Variants in CADPS2 observed in about 807,000 individuals in gnomAD.
CADPS2 encodes calcium dependent secretion activator 2.
Under a neutral mutation model 172.5 loss-of-function variants are expected in CADPS2, and 93 were observed. The observed-to-expected ratio is 0.54, with a 90% CI of 0.46 to 0.64. CADPS2 has a LOEUF of 0.64. CADPS2 is among the 30% of genes least tolerant of loss of function. CADPS2 has a pLI of 0.00. For synonymous variants in CADPS2, 546 were observed against 555.2 expected (o/e 0.98, Z 0.23); for missense variants, 1,420 against 1,565.9 (o/e 0.91, Z 1.57).
intron 1 of CADPS2, among the ~76,000 whole-genome samples, chr7:122,870,235 CATTCAG>C (rs1489550565): frequency 6.6e-6 from 1 of 151,914 alleles, no homozygotes; most frequent in African/African-American, 2.4e-5. Context: ...TCTAAGGACA[CATTCAG>C]ATTCAAAGTG....
At chr7:122,687,960 G>C (rs995247786) in intron 2 of CADPS2, among the ~76,000 whole-genome samples, 4 of 152,092 alleles carry the variant, frequency 2.6e-5, no homozygotes, top group Non-Finnish European at 4.4e-5. Flanking sequence ...TATATTTCCA[G>C]CTATGCCATG....
chr7:122,723,165 C>A (rs892826665), intron 2 of CADPS2, among the ~76,000 whole-genome samples: 14 of 152,092 alleles, frequency 9.2e-5, no homozygotes, highest in Admixed American at 3.3e-4. Context: ...GCAACAAAAG[C>A]CAAAATTGAC....
chr7:122,378,735 C>T (rs1156364335), intron 25 of CADPS2: 1 of 152,144 alleles, frequency 6.6e-6, no homozygotes, highest in Non-Finnish European at 1.5e-5. Flanking sequence ...ACTCCTGGTG[C>T]TCTCATGTTC....
intron 1 of CADPS2, among the ~76,000 whole-genome samples, chr7:122,772,631 A>G (rs1262527344): frequency 6.6e-6 from 1 of 152,144 alleles, no homozygotes; most frequent in East Asian, 1.9e-4. Context: ...AGCAATCACA[A>G]ACTAAAATAC....
At chr7:122,813,020 T>C (rs904456191) in intron 1 of CADPS2, among the ~76,000 whole-genome samples, 1 of 152,178 alleles carries the variant, frequency 6.6e-6, no homozygotes, top group Non-Finnish European at 1.5e-5. Context: ...ATATCCAATA[T>C]GGGACACAGC....
At position 122,866,959 on chromosome 7, in the gene CADPS2, C is replaced by T. The variant is rs187373337; in HGVS notation, c.339+19040G>A. The stretch of plus-strand genomic sequence containing the variant: ...TTCTCACATCATGCTAGCCACCCTG[C>T]ACAACTTTGCTGCTTTTTATAGGAA... On this transcript the variant is annotated intron_variant, in intron 1 of 29. Transcript: ENST00000449022. 2.1e-3 allele frequency among the ~76,000 whole-genome samples: 321 copies of T among 152,282 alleles called. 1 individual carries two copies. Among genetic ancestry groups the T allele is most frequent in the African/African-American group, 7.1e-3 (295 of 41,554 alleles).
intron 1 of CADPS2, among the ~76,000 whole-genome samples, chr7:122,816,227 T>A (rs1801357346): frequency 7.3e-6 from 1 of 137,120 alleles, no homozygotes; most frequent in African/African-American, 2.7e-5. Flanking sequence ...TATTCTACTC[T>A]CTATCTCCAC....
At chr7:122,693,369 T>C (rs937471004) in intron 2 of CADPS2, among the ~76,000 whole-genome samples, 3 of 152,184 alleles carry the variant, frequency 2.0e-5, no homozygotes, top group African/African-American at 7.2e-5. Context: ...CTTTCTACCT[T>C]GATATTTTGA....
intron 1 of CADPS2, among the ~76,000 whole-genome samples, chr7:122,764,215 C>G (rs138010713): frequency 5.9e-5 from 9 of 152,098 alleles, no homozygotes; most frequent in African/African-American, 2.2e-4. Flanking sequence ...GGCTGAAGAC[C>G]CTCTTACGTG....
At chr7:122,657,986 C>T (rs2080025544) in intron 3 of CADPS2, among the ~76,000 whole-genome samples, 1 of 152,074 alleles carries the variant, frequency 6.6e-6, no homozygotes. Flanking sequence ...TTGCAATCTA[C>T]TCATCTGATA....
intron 27 of CADPS2, among the ~76,000 whole-genome samples, chr7:122,354,655 A>G (rs1169531469): frequency 2.0e-5 from 3 of 152,160 alleles, no homozygotes; most frequent in Non-Finnish European, 4.4e-5. Context: ...CAAAGCTAAT[A>G]TGAACATTTT....
intron 1 of CADPS2, among the ~76,000 whole-genome samples, chr7:122,848,995 A>G (rs1397712130): frequency 6.6e-6 from 1 of 152,212 alleles, no homozygotes; most frequent in Admixed American, 6.5e-5. Context: ...CAGCTTTCCA[A>G]AGTCCCAGGC....
chr7:122,808,126 C>A (rs1265660658), intron 1 of CADPS2, among the ~76,000 whole-genome samples: 1 of 152,060 alleles, frequency 6.6e-6, no homozygotes, highest in East Asian at 1.9e-4. Context: ...TTCAGAACGT[C>A]AAGTCTTGGT....
chr7:122,448,938 A>T (rs1377775858), intron 15 of CADPS2, among the ~76,000 whole-genome samples: 1 of 152,160 alleles, frequency 6.6e-6, no homozygotes, highest in Non-Finnish European at 1.5e-5. Context: ...GAAAAAAAAA[A>T]TAAAAAAATT....
chr7:122,713,963 C>G (rs1358533376), intron 2 of CADPS2, among the ~76,000 whole-genome samples: 1 of 152,030 alleles, frequency 6.6e-6, no homozygotes, highest in East Asian at 1.9e-4. Context: ...CAATATTTTT[C>G]AATATGTTGA....
At chr7:122,426,228 T>A (rs148062708) in intron 17 of CADPS2, 44 of 152,380 alleles carry the variant, frequency 2.9e-4, no homozygotes, top group African/African-American at 9.4e-4. Flanking sequence ...CTTTGTTTCC[T>A]TTGATACATA....
chr7:122,393,472 C>T lies in CADPS2; in HGVS notation c.2857G>A (p.Gly953Ser), dbSNP rs2044661547. ...GGCTGCCATGTCTCCTGCTCAAAACCTCTGTGAATTGACTGGGCGATGGAA... is the reference window on the plus strand; with the variant it reads ...GGCTGCCATGTCTCCTGCTCAAAACTTCTGTGAATTGACTGGGCGATGGAA... ...ESSIAQSIHR[G>S]FEQETWQPVK... Residue 953 changes from glycine (G) to serine (S), a missense_variant, in exon 21 of 30, where the codon GGT becomes AGT. By Grantham distance (56) the Gly-to-Ser change is moderately conservative. Transcript: ENST00000449022. 6.2e-7 allele frequency: 1 copy of T among 1,613,856 alleles called. No individual in the cohort carries two copies. The highest frequency in any genetic ancestry group is 2.2e-5 in the East Asian group (1 of 44,866).
In CADPS2 at chr7:122,645,408, T is replaced by TAC. The variant is rs1554687838; in HGVS notation, c.787-16082_787-16081dup. Among the ~76,000 whole-genome samples, 6 of 27,050 alleles carry TAC rather than the reference T, an allele frequency of 2.2e-4. No homozygotes were observed. The East Asian group carries it at 2.4e-3, about 11-fold the overall frequency. The allele number at this position is 27,050 out of a possible 152,430, so 17.7% of individuals were successfully genotyped here. On this transcript the variant is annotated intron_variant, in intron 3 of 29. Coordinates refer to ENST00000449022, the MANE Select transcript of CADPS2 (RefSeq NM_017954.11). ...ACATGTGTGTGTATATATGTACATA[T>TAC]ACACACATGTATATGTGTGTATATA...
intron 1 of CADPS2, among the ~76,000 whole-genome samples, chr7:122,832,151 T>C (rs1806747425): frequency 6.6e-6 from 1 of 152,142 alleles, no homozygotes; most frequent in African/African-American, 2.4e-5. Flanking sequence ...AGTCTCATGG[T>C]GAACAAACAT....
Sources: gnomAD v4.1 joint callset for allele counts (sites outside exome capture counted in the v4.1 genomes callset) on GRCh38, gnomAD v4.1.1 for gene constraint, MANE v1.5 for transcripts, NCBI Gene and HGNC (gene_info 2026-07-23, HGNC 2026-07-21) for gene names.